The following DAPK1 variants were observed in gnomAD, a reference collection of about 807,000 sequenced individuals.
DAPK1 encodes the protein death-associated protein kinase 1.
DAPK1 carries 56 observed loss-of-function variants against 144.9 expected under a neutral mutation model. That is an observed-to-expected ratio of 0.39 (90% confidence interval 0.31 to 0.48). The LOEUF is 0.48. Ranked by LOEUF, DAPK1 falls within the 20% of genes least tolerant of loss-of-function variation. The pLI, the probability that DAPK1 is intolerant of heterozygous loss-of-function variation, is 0.95. For synonymous variants in DAPK1, 690 were observed against 749.0 expected (o/e 0.92, Z 1.29); for missense variants, 1,454 against 1,875.4 (o/e 0.78, Z 4.15).
intron 19 of DAPK1, among the ~76,000 whole-genome samples, chr9:87,674,381 G>GGT (rs1824283273): frequency 6.6e-6 from 1 of 151,914 alleles, no homozygotes; most frequent in South Asian, 2.1e-4. Context: ...CAGAGATGGT[G>GGT]GTGTGTGCCT....
At chr9:87,642,677 G>A (rs1054480980) in intron 10 of DAPK1, among the ~76,000 whole-genome samples, 9 of 152,244 alleles carry the variant, frequency 5.9e-5, no homozygotes, top group African/African-American at 1.2e-4. Context: ...GGTACCTACC[G>A]TGTCTTCCCA....
chr9:87,501,698 T>G (rs1313595191), intron 2 of DAPK1, among the ~76,000 whole-genome samples: 2 of 152,250 alleles, frequency 1.3e-5, no homozygotes, highest in African/African-American at 4.8e-5. Flanking sequence ...AGTATTATTG[T>G]TAATGTTATT....
At chr9:87,705,755 G>T (rs940224159) in intron 25 of DAPK1, among the ~76,000 whole-genome samples, 1 of 152,024 alleles carries the variant, frequency 6.6e-6, no homozygotes, top group African/African-American at 2.4e-5. Context: ...TCATACAAGG[G>T]TTTGCCACTG....
intron 3 of DAPK1, among the ~76,000 whole-genome samples, chr9:87,625,608 G>A (rs1829465148): frequency 6.6e-6 from 1 of 152,178 alleles, no homozygotes; most frequent in Non-Finnish European, 1.5e-5. Context: ...AGTAGTGCTG[G>A]AGACTTCTGT....
At chr9:87,694,756 T>A (rs1420968238) in intron 21 of DAPK1, among the ~76,000 whole-genome samples, 5 of 152,112 alleles carry the variant, frequency 3.3e-5, no homozygotes, top group Admixed American at 1.3e-4. Flanking sequence ...CAGGCAGAGA[T>A]GTCAGTGGGG....
Position 87,540,068 on chromosome 9 carries a change from G to A in DAPK1, c.62+40929G>A, listed in dbSNP as rs188863999. ...AAAAAAAATTATTTACTAAGGTTGC[G>A]AAGATATGTGGTAGAAGATATTTTG... On this transcript the variant is annotated intron_variant, in intron 2 of 25. Transcript: ENST00000408954. Among the ~76,000 whole-genome samples the A allele has an allele frequency of 5.9e-5, 9 of 151,974 alleles. 1 individual carries two copies. The highest frequency in any genetic ancestry group is 2.0e-4 in the Admixed American group (3 of 15,274).
At chr9:87,596,610 C>G (rs1828328631) in intron 2 of DAPK1, among the ~76,000 whole-genome samples, 1 of 152,146 alleles carries the variant, frequency 6.6e-6, no homozygotes, top group Non-Finnish European at 1.5e-5. Flanking sequence ...TTTTTCTGAG[C>G]CTGGGACAGG....
At chr9:87,601,573 G>T (rs572334387) in intron 2 of DAPK1, among the ~76,000 whole-genome samples, 1 of 152,110 alleles carries the variant, frequency 6.6e-6, no homozygotes, top group Non-Finnish European at 1.5e-5. Flanking sequence ...AGGTACTTGG[G>T]GGGTAATACT....
chr9:87,555,870 G>A (rs567739329), intron 2 of DAPK1, among the ~76,000 whole-genome samples: 4 of 152,260 alleles, frequency 2.6e-5, no homozygotes, highest in Admixed American at 1.3e-4. Flanking sequence ...ACAAATTACC[G>A]GCTAACTAAA....
At chr9:87,502,286 T>C (rs1824433491) in intron 2 of DAPK1, among the ~76,000 whole-genome samples, 1 of 151,960 alleles carries the variant, frequency 6.6e-6, no homozygotes, top group South Asian at 2.1e-4. Context: ...GATGCACTTG[T>C]TATCTTTAGA....
chr9:87,561,627 T>C (rs1310266827), intron 2 of DAPK1, among the ~76,000 whole-genome samples: 1 of 152,210 alleles, frequency 6.6e-6, no homozygotes, highest in East Asian at 1.9e-4. Flanking sequence ...TAACTTCCCA[T>C]TGAATAAAGA....
chr9:87,682,439 G>T (rs776240892), intron 20 of DAPK1, among the ~76,000 whole-genome samples: 1 of 152,136 alleles, frequency 6.6e-6, no homozygotes, highest in Non-Finnish European at 1.5e-5. Context: ...TTTGTGCCTT[G>T]ATTCATTCTC....
chr9:87,636,040 C>G (rs1465087456), intron 3 of DAPK1, among the ~76,000 whole-genome samples: 3 of 152,120 alleles, frequency 2.0e-5, no homozygotes, highest in Non-Finnish European at 2.9e-5. Context: ...GAATAAGATG[C>G]AAAAGTGAGA....
At chr9:87,647,965 TG>T (rs1265505424) in intron 14 of DAPK1, among the ~76,000 whole-genome samples, 1 of 152,258 alleles carries the variant, frequency 6.6e-6, no homozygotes, top group African/African-American at 2.4e-5. Context: ...TTGGCTGTGC[TG>T]GAACCTGAAC....
At chr9:87,526,599 T>C (rs1543627) in intron 2 of DAPK1, among the ~76,000 whole-genome samples, 67,890 of 152,068 alleles carry the variant, frequency 0.45, 15,438 homozygotes, top group South Asian at 0.57. Flanking sequence ...TTTCCCTCCA[T>C]TAGTCTATGG....
At chr9:87,653,533 A>C (rs1300194282) in intron 17 of DAPK1, among the ~76,000 whole-genome samples, 1 of 152,140 alleles carries the variant, frequency 6.6e-6, no homozygotes, top group East Asian at 1.9e-4. Context: ...GTGTACATGC[A>C]TGTGAGCATG....
In DAPK1 at chr9:87,686,862, C is replaced by A; in HGVS notation, c.2413+123C>A. ...CTTCCAGAAGGAAATCCAACACAGA[C>A]TGATATTCAGAGTGAGCCAGGACTG... On this transcript the variant is annotated intron_variant, in intron 21 of 25. Transcript: ENST00000408954. This position sits in a 1 kb window ranked among gnomAD's most constrained non-coding sequence, Gnocchi z 4.2. 7.0e-7 allele frequency: 1 copy of A among 1,425,928 alleles called. No homozygotes were observed. The highest frequency in any genetic ancestry group is 9.3e-7 in the Non-Finnish European group (1 of 1,079,552). The allele number at this position is 1,425,928 out of a possible 1,614,324, so 88.3% of individuals were successfully genotyped here.
Position 87,707,415 on chromosome 9 carries a change from G to A in DAPK1, c.*51G>A. On this transcript the variant is annotated 3_prime_UTR_variant, in exon 26 of 26. Transcript: ENST00000408954. This position sits in a 1 kb window ranked among gnomAD's most constrained non-coding sequence, Gnocchi z 4.0. ...CTGTTTGGACTGCAGAAGCAAGGGG[G>A]TGATGTAGCCCATCCTTCCCTTTGG... 1.6e-6 allele frequency: 2 copies of A among 1,285,702 alleles called. No homozygotes were observed. The highest frequency in any genetic ancestry group is 2.2e-6 in the Non-Finnish European group (2 of 913,598). 79.6% of individuals were successfully genotyped at this position (1,285,702 alleles called of 1,614,324 possible). A position where few individuals can be genotyped will look rare whatever the true frequency, so the allele number is the denominator to read the frequency against.
At chr9:87,571,493 A>ACACCC (rs1564001003) in intron 2 of DAPK1, among the ~76,000 whole-genome samples, 3 of 47,036 alleles carry the variant, frequency 6.4e-5, no homozygotes, top group Admixed American at 2.3e-4. Context: ...ACACACACAC[A>ACACCC]CCCCAACACA....
Sources: allele counts gnomAD v4.1 joint callset (sites outside exome capture counted in the v4.1 genomes callset), GRCh38; gene constraint gnomAD v4.1.1; non-coding constraint Gnocchi (gnomAD v3.1); transcripts MANE v1.5; gene names NCBI Gene and HGNC (gene_info 2026-07-23, HGNC 2026-07-21).